FOXO1: variants seen among roughly 807,000 people sequenced by gnomAD.
FOXO1 encodes the protein forkhead box O1.
In FOXO1, 6 loss-of-function variants were observed where a neutral mutation model predicts 44.1. That is an observed-to-expected ratio of 0.14 (90% CI 0.07 to 0.27). FOXO1 has a LOEUF of 0.27. Among genes scored for constraint, FOXO1 ranks in the 10% least tolerant of loss-of-function variants. The pLI, the probability that FOXO1 is intolerant of heterozygous loss-of-function variation, is 1.00. For synonymous variants in FOXO1, 380 were observed against 362.7 expected, an observed-to-expected ratio of 1.05 and a Z score of -0.54; for missense variants, 737 against 888.8, an observed-to-expected ratio of 0.83 and a Z score of 2.17.
intron 1 of FOXO1, among the ~76,000 whole-genome samples, chr13:40,642,477 A>G (rs1566083231): frequency 1.3e-5 from 2 of 152,258 alleles, no homozygotes; most frequent in Non-Finnish European, 2.9e-5. Flanking sequence ...GGAAATTTAC[A>G]TCTATACATC....
At chr13:40,650,547 G>A (rs1877646360) in intron 1 of FOXO1, among the ~76,000 whole-genome samples, 1 of 152,212 alleles carries the variant, frequency 6.6e-6, no homozygotes, top group African/African-American at 2.4e-5. Context: ...ACCAAAGGAA[G>A]GACAGTAGGC....
chr13:40,597,632 C>G lies in FOXO1; in HGVS notation c.631-36772G>C, dbSNP rs552972552. Among the ~76,000 whole-genome samples the G allele has an allele frequency of 2.0e-5, 3 of 152,214 alleles. No individual in the cohort carries two copies. The East Asian group carries it at 5.8e-4, about 29-fold the overall frequency. On this transcript the variant is annotated intron_variant, in intron 1 of 2. Transcript: ENST00000379561. ...CCTACATCTTCCCCCGGTGAAGGGT[C>G]CTGCCCTAGAAAGAACTTTCCCCTA...
rs73469037 is a variant in FOXO1 at position 40,654,373 on chromosome 13, C to T, written c.630+11210G>A. On this transcript the variant is annotated intron_variant, in intron 1 of 2. Transcript: ENST00000379561. The stretch of plus-strand genomic sequence containing the variant: ...AAAAATTAGCCAGGCGTGGTGGTGG[C>T]CGCCTGTAATCCCAGCTACTCAGGA... Among the ~76,000 whole-genome samples the T allele has an allele frequency of 8.0e-3, 1,131 of 140,590 alleles. 7 individuals carry two copies. Among genetic ancestry groups the T allele is most frequent in the Non-Finnish European group, 0.01 (679 of 66,062 alleles). The allele number at this position is 140,590 out of a possible 152,430, so 92.2% of individuals were successfully genotyped here.
chr13:40,585,136 A>T (rs192305518), intron 1 of FOXO1, among the ~76,000 whole-genome samples: 2,257 of 152,294 alleles, frequency 0.015, 63 homozygotes, highest in African/African-American at 0.051. Context: ...GATATTTATG[A>T]AAGGATGTCT....
intron 1 of FOXO1, among the ~76,000 whole-genome samples, chr13:40,633,887 T>C (rs1392270114): frequency 2.6e-5 from 4 of 152,226 alleles, no homozygotes; most frequent in Non-Finnish European, 5.9e-5. Context: ...TGCTCAAGTA[T>C]AGAAACTCAA....
In FOXO1 at chr13:40,560,576, A is replaced by C; in HGVS notation, c.915T>G (p.Asp305Glu). The C allele has an allele frequency of 6.2e-7, 1 of 1,614,202 alleles. No homozygotes were observed. Among genetic ancestry groups the C allele is most frequent in the South Asian group, 1.1e-5 (1 of 91,082 alleles). ...WPASPGSHSN[D>E]DFDNWSTFRP... ...GAAATGTACTCCAGTTATCAAAGTC[A>C]TCATTGCTGTGAGAGCCAGGGCTTG... The change falls in exon 2 of 3, where the codon GAT becomes GAG. Residue 305 changes from aspartate to glutamate, a missense_variant. By Grantham distance (45) the Asp-to-Glu change is conservative. Coordinates refer to ENST00000379561, the MANE Select transcript of FOXO1 (RefSeq NM_002015.4). This position sits in a 1 kb window ranked among gnomAD's most constrained non-coding sequence, Gnocchi z 5.1.
chr13:40,665,897 G>T lies in FOXO1; in HGVS notation c.316C>A (p.Leu106Met). ...AAAAAAATGG[L>M]CGDFQGPEAG... is the part of the protein sequence containing the mutation. Reference sequence around the variant, plus strand: ...TCCGGGCCCTGGAAGTCCCCGCACAGCCCCCCGGTGGCGGCCGCGGCGGCC... The same window carrying T: ...TCCGGGCCCTGGAAGTCCCCGCACATCCCCCCGGTGGCGGCCGCGGCGGCC... Residue 106 changes from leucine to methionine, a missense_variant, in exon 1 of 3, where the codon CTG becomes ATG. Coordinates refer to ENST00000379561, the MANE Select transcript of FOXO1 (RefSeq NM_002015.4). 1.7e-6 allele frequency: 2 copies of T among 1,167,136 alleles called. No individual in the cohort carries two copies. Among genetic ancestry groups the T allele is most frequent in the Non-Finnish European group, 2.1e-6 (2 of 949,704 alleles). 72.3% of individuals were successfully genotyped at this position (1,167,136 alleles called of 1,614,324 possible). A position where few individuals can be genotyped will look rare whatever the true frequency, so the allele number is the denominator to read the frequency against.
intron 1 of FOXO1, among the ~76,000 whole-genome samples, chr13:40,654,868 T>C (rs1041637584): frequency 7.0e-4 from 107 of 152,196 alleles, no homozygotes; most frequent in African/African-American, 2.5e-3. Context: ...AAAGAAATGA[T>C]CTACCTCCCT....
At chr13:40,631,569 T>G (rs550622779) in intron 1 of FOXO1, among the ~76,000 whole-genome samples, 28 of 152,342 alleles carry the variant, frequency 1.8e-4, no homozygotes, top group African/African-American at 5.5e-4. Context: ...CATTGAGGGA[T>G]GAATGGATAA....
intron 1 of FOXO1, chr13:40,619,569 A>G: frequency 7.0e-7 from 1 of 1,427,232 alleles, no homozygotes; most frequent in Non-Finnish European, 9.9e-7. Flanking sequence ...TTCCACTTTC[A>G]GATAGTAACA....
intron 1 of FOXO1, among the ~76,000 whole-genome samples, chr13:40,665,211 C>G (rs1238478082): frequency 6.6e-6 from 1 of 152,070 alleles, no homozygotes; most frequent in Non-Finnish European, 1.5e-5. Flanking sequence ...CGCGGAGGTC[C>G]GGGAGGGAAG....
chr13:40,582,344 G>A (rs756792164), intron 1 of FOXO1, among the ~76,000 whole-genome samples: 4 of 152,186 alleles, frequency 2.6e-5, no homozygotes, highest in Non-Finnish European at 5.9e-5. Flanking sequence ...GTTAATTACT[G>A]CAGTCTGATC....
At chr13:40,591,926 C>T (rs542649676) in intron 1 of FOXO1, among the ~76,000 whole-genome samples, 6 of 152,216 alleles carry the variant, frequency 3.9e-5, no homozygotes, top group Middle Eastern at 6.8e-3. Flanking sequence ...AGGCTGGTCT[C>T]GAGTTCCGGG....
At position 40,560,411 on chromosome 13, in the gene FOXO1, G is replaced by A. The variant is rs772877288; in HGVS notation, c.1080C>T (p.Pro360=). ...PSAAKMASTL[P]SLSEISNPEN... ...CGGGATTGCTTATCTCAGACAGACT[G>A]GGTAAAGTAGAGGCCATCTTTGCGG... The change falls in exon 2 of 3, where the codon CCC becomes CCT. Residue 360 remains proline (P), a synonymous_variant. Transcript: ENST00000379561. The surrounding 1 kb of genome is among the most constrained non-coding windows in gnomAD (Gnocchi z 5.1). 1.2e-6 allele frequency: 2 copies of A among 1,614,184 alleles called. No homozygotes were observed. Among genetic ancestry groups the A allele is most frequent in the Non-Finnish European group, 1.7e-6 (2 of 1,180,046 alleles).
intron 1 of FOXO1, among the ~76,000 whole-genome samples, chr13:40,580,218 G>A (rs576533958): frequency 6.6e-6 from 1 of 152,178 alleles, no homozygotes; most frequent in Non-Finnish European, 1.5e-5. Context: ...CTATCAAGTG[G>A]AATATATCCA....
At chr13:40,627,831 T>TAA (rs1166555605) in intron 1 of FOXO1, among the ~76,000 whole-genome samples, 15 of 125,828 alleles carry the variant, frequency 1.2e-4, no homozygotes, top group East Asian at 2.3e-4. Flanking sequence ...ATACTCCGGC[T>TAA]AAAAAAAAAA....
intron 1 of FOXO1, among the ~76,000 whole-genome samples, 190 bp downstream of exon 1, chr13:40,665,393 G>A (rs1288482075): frequency 6.6e-6 from 1 of 151,946 alleles, no homozygotes; most frequent in African/African-American, 2.4e-5. Flanking sequence ...CCTGACTGGC[G>A]CGCACGCACA....
At position 40,599,246 on chromosome 13, in the gene FOXO1, T is replaced by C. The variant is rs559629262; in HGVS notation, c.631-38386A>G. ...AAAAAAAAAAGCTTCCAAGGTCTGTTTGCAGAGTTAGTCTTGTCAGGGAAG... is the reference window on the plus strand; with the variant it reads ...AAAAAAAAAAGCTTCCAAGGTCTGTCTGCAGAGTTAGTCTTGTCAGGGAAG... On this transcript the variant is annotated intron_variant, in intron 1 of 2. Transcript: ENST00000379561. 2.6e-5 allele frequency among the ~76,000 whole-genome samples: 4 copies of C among 151,628 alleles called. No individual in the cohort carries two copies. In the South Asian group the frequency reaches 8.3e-4, roughly 32 times the overall value.
Position 40,559,610 on chromosome 13 carries a change from T to G in FOXO1, c.1881A>C (p.Thr627=). The G allele has an allele frequency of 6.2e-7, 1 of 1,614,228 alleles. No homozygotes were observed. ...ACACATTGTCAAAGTTAAAATCCAA[T>G]GTATCTCCATCCATGAGGTCATTCC... ...IIRNDLMDGD[T]LDFNFDNVLP... is the part of the protein sequence containing the mutation. Residue 627 remains threonine (T), a synonymous_variant, in exon 2 of 3, where the codon ACA becomes ACC. Transcript: ENST00000379561.
Sources: allele counts gnomAD v4.1 joint callset (sites outside exome capture counted in the v4.1 genomes callset), GRCh38; gene constraint gnomAD v4.1.1; non-coding constraint Gnocchi (gnomAD v3.1); transcripts MANE v1.5; gene names NCBI Gene and HGNC (gene_info 2026-07-23, HGNC 2026-07-21).